Variants in PDE11A observed in about 807,000 individuals in gnomAD.
PDE11A encodes the protein phosphodiesterase 11A, also known as dual 3',5'-cyclic-AMP and -GMP phosphodiesterase 11A.
In PDE11A, 100 loss-of-function variants were observed where a neutral mutation model predicts 100.5. The observed-to-expected ratio is 1.00, with a 90% CI of 0.85 to 1.18. The LOEUF is 1.18. Among genes scored for constraint, PDE11A ranks in the 50% most tolerant of loss-of-function variants. The probability of loss-of-function intolerance (pLI) is 0.00; values close to 1 mark genes in which losing one functional copy is unlikely to be tolerated. For synonymous variants in PDE11A, 381 were observed against 420.8 expected (o/e 0.91, Z 1.16); for missense variants, 1,141 against 1,152.6 (o/e 0.99, Z 0.15).
intron 9 of PDE11A, among the ~76,000 whole-genome samples, chr2:177,793,754 C>T (rs1432608913): frequency 2.0e-5 from 3 of 152,080 alleles, no homozygotes; most frequent in Admixed American, 6.5e-5. Flanking sequence ...CTGGCTCCAT[C>T]GCTCACACTG....
At chr2:177,723,384 T>A (rs2081557105) in intron 12 of PDE11A, 1 of 152,148 alleles carries the variant, frequency 6.6e-6, no homozygotes, top group Admixed American at 6.6e-5. Flanking sequence ...TGTCAATGTG[T>A]TTGCTGTGAT....
At position 177,803,649 on chromosome 2, in the gene PDE11A, T is replaced by C. The variant is rs570550388; in HGVS notation, c.1737+13180A>G. Reference sequence around the variant, plus strand: ...TCAGGGATGTGAGAATAGTTCAACATATGCAAATCAACAAGTGTGATACAT... The same window carrying C: ...TCAGGGATGTGAGAATAGTTCAACACATGCAAATCAACAAGTGTGATACAT... On this transcript the variant is annotated intron_variant, in intron 9 of 19. Transcript: ENST00000286063. 3.9e-5 allele frequency among the ~76,000 whole-genome samples: 6 copies of C among 152,134 alleles called. No homozygotes were observed. In the South Asian group the frequency reaches 1.2e-3, roughly 32 times the overall value.
intron 9 of PDE11A, among the ~76,000 whole-genome samples, chr2:177,804,633 C>T (rs1349705746): frequency 6.6e-6 from 1 of 151,774 alleles, no homozygotes; most frequent in African/African-American, 2.4e-5. Flanking sequence ...ATATATTTAT[C>T]ACAGCACTAT....
chr2:177,810,942 C>T (rs376106312), intron 9 of PDE11A, among the ~76,000 whole-genome samples: 1 of 152,004 alleles, frequency 6.6e-6, no homozygotes, highest in Non-Finnish European at 1.5e-5. Context: ...ATAGCATATG[C>T]CTTTTTCTTA....
chr2:177,815,283 A>C (rs978446005), intron 9 of PDE11A, among the ~76,000 whole-genome samples: 4 of 152,040 alleles, frequency 2.6e-5, no homozygotes, highest in African/African-American at 9.7e-5. Context: ...TTTTACGAAT[A>C]CTTATTAACA....
At chr2:178,049,220 G>A (rs1419739949) in intron 1 of PDE11A, among the ~76,000 whole-genome samples, 1 of 152,230 alleles carries the variant, frequency 6.6e-6, no homozygotes, top group Non-Finnish European at 1.5e-5. Flanking sequence ...AGTTGTGGTA[G>A]TAGAGTTGGA....
In PDE11A at chr2:177,715,170, C is replaced by T. The variant is rs567918960; in HGVS notation, c.2044-3292G>A. 3.8e-4 allele frequency among the ~76,000 whole-genome samples: 58 copies of T among 152,362 alleles called. 4 individuals are homozygous for T. In the South Asian group the frequency reaches 0.012, roughly 32 times the overall value. ...AACATCTTTATTCTATTCTCGTACTCAGTGTGCCTCACAATTCTAGGCTGA... is the reference window on the plus strand; with the variant it reads ...AACATCTTTATTCTATTCTCGTACTTAGTGTGCCTCACAATTCTAGGCTGA... On this transcript the variant is annotated intron_variant, in intron 12 of 19. Coordinates refer to ENST00000286063, the MANE Select transcript of PDE11A (RefSeq NM_016953.4).
chr2:177,876,608 C>CT (rs1355588035), intron 4 of PDE11A, among the ~76,000 whole-genome samples: 3 of 148,224 alleles, frequency 2.0e-5, no homozygotes, highest in Admixed American at 6.6e-5. Context: ...ACAGCAGAAG[C>CT]TTTTTTGATT....
At chr2:178,068,100 C>T (rs2105870369) in intron 1 of PDE11A, among the ~76,000 whole-genome samples, 1 of 152,184 alleles carries the variant, frequency 6.6e-6, no homozygotes, top group African/African-American at 2.4e-5. Context: ...TACTTGAATG[C>T]TCTTATTTTC....
At chr2:178,082,281 T>C (rs115691736) in intron 2 of PDE11A, among the ~76,000 whole-genome samples, 3,257 of 152,288 alleles carry the variant, frequency 0.021, 84 homozygotes, top group African/African-American at 0.064. Flanking sequence ...TAGTAAACTC[T>C]CAATAAATGT....
At position 177,628,786 on chromosome 2, in the gene PDE11A, C is replaced by T. The variant is rs554278810; in HGVS notation, c.*621G>A. 1.3e-5 allele frequency: 2 copies of T among 153,540 alleles called. No homozygotes were observed. The highest frequency in any genetic ancestry group is 4.1e-4 in the South Asian group (2 of 4,900). 9.5% of individuals were successfully genotyped at this position (153,540 alleles called of 1,614,324 possible). A position where few individuals can be genotyped will look rare whatever the true frequency, so the allele number is the denominator to read the frequency against. The stretch of plus-strand genomic sequence containing the variant: ...TAGAATTACCCATCAAACACATTTG[C>T]TATAGTCCTACTATGTATTCATTTT... On this transcript the variant is annotated 3_prime_UTR_variant, in exon 20 of 20. Transcript: ENST00000286063.
intron 10 of PDE11A, among the ~76,000 whole-genome samples, chr2:177,757,481 G>GA (rs1385645113): frequency 6.6e-6 from 1 of 152,170 alleles, no homozygotes; most frequent in East Asian, 1.9e-4. Flanking sequence ...TTGTCTTAGT[G>GA]AACAGCAATA....
At chr2:177,898,335 TG>T (rs1464465875) in intron 3 of PDE11A, 137 bp from the exon 4 acceptor site, 2 of 656,036 alleles carry the variant, frequency 3.0e-6, no homozygotes, top group Non-Finnish European at 5.3e-6. Context: ...ATTTTATGAT[TG>T]TTTTGACATA....
intron 10 of PDE11A, among the ~76,000 whole-genome samples, chr2:177,740,017 A>G (rs919775375): frequency 2.0e-5 from 3 of 152,208 alleles, no homozygotes; most frequent in African/African-American, 7.2e-5. Context: ...ACACACAAGT[A>G]CATACATGCA....
intron 19 of PDE11A, among the ~76,000 whole-genome samples, chr2:177,644,096 G>A (rs559510093): frequency 6.6e-5 from 10 of 152,224 alleles, no homozygotes; most frequent in Non-Finnish European, 1.3e-4. Flanking sequence ...GTGGGGGGGA[G>A]CCCCCACACA....
At position 177,696,004 on chromosome 2, in the gene PDE11A, A is replaced by G. The variant is rs897869672; in HGVS notation, c.2345+1328T>C. Reference sequence around the variant, plus strand: ...TGTGGGAATGGTGATACATCAGGGCACAGGGGGCATTACACAGGGTGTTCC... The same window carrying G: ...TGTGGGAATGGTGATACATCAGGGCGCAGGGGGCATTACACAGGGTGTTCC... On this transcript the variant is annotated intron_variant, in intron 15 of 19. Transcript: ENST00000286063. 2.0e-5 allele frequency among the ~76,000 whole-genome samples: 3 copies of G among 152,320 alleles called. No individual in the cohort carries two copies. In the East Asian group the frequency reaches 5.8e-4, roughly 29 times the overall value.
chr2:177,862,258 C>T lies in PDE11A; in HGVS notation c.1367+13601G>A, dbSNP rs114374832. 7.2e-3 allele frequency among the ~76,000 whole-genome samples: 1,100 copies of T among 151,798 alleles called. 12 individuals are homozygous for T. The highest frequency in any genetic ancestry group is 0.025 in the African/African-American group (1,023 of 41,482). ...GAAAATGATAAAGGACCTGAATAGA[C>T]GTTTCCTAAATAAGACATACAAATG... is the stretch of plus-strand genomic sequence containing the variant. On this transcript the variant is annotated intron_variant, in intron 5 of 19. Coordinates refer to ENST00000286063, the MANE Select transcript of PDE11A (RefSeq NM_016953.4).
chr2:178,068,327 C>A (rs893006164), intron 1 of PDE11A, among the ~76,000 whole-genome samples: 2 of 150,628 alleles, frequency 1.3e-5, no homozygotes, highest in Non-Finnish European at 2.9e-5. Flanking sequence ...ATGAAATAAA[C>A]TGAGGGGTTT....
chr2:178,038,938 C>A (rs558427606), intron 1 of PDE11A: 18 of 152,210 alleles, frequency 1.2e-4, no homozygotes, highest in African/African-American at 4.3e-4. Context: ...AAAATTGGCA[C>A]AATAGAAGAT....
Sources: allele counts gnomAD v4.1 joint callset (sites outside exome capture counted in the v4.1 genomes callset), GRCh38; gene constraint gnomAD v4.1.1; transcripts MANE v1.5; gene names NCBI Gene and HGNC (gene_info 2026-07-23, HGNC 2026-07-21).